Variants in CNTN5 observed in about 807,000 individuals in gnomAD.
CNTN5 encodes contactin-5.
Under a neutral mutation model 129.1 loss-of-function variants are expected in CNTN5, and 77 were observed. The observed-to-expected ratio is 0.60, with a 90% CI of 0.50 to 0.72. CNTN5 has a LOEUF of 0.72. Ranked by LOEUF, CNTN5 falls within the 30% of genes least tolerant of loss-of-function variation. CNTN5 has a pLI of 0.00. For synonymous variants in CNTN5, 509 were observed against 465.6 expected (o/e 1.09, Z -1.20); for missense variants, 1,478 against 1,328.8 (o/e 1.11, Z -1.75).
At chr11:100,042,803 T>G (rs527968745) in intron 9 of CNTN5, among the ~76,000 whole-genome samples, 1 of 152,316 alleles carries the variant, frequency 6.6e-6, no homozygotes, top group South Asian at 2.1e-4. Context: ...TATTAAGAGA[T>G]ATTTTTGAGC....
At chr11:99,981,572 C>T (rs962603724) in intron 8 of CNTN5, among the ~76,000 whole-genome samples, 1 of 152,126 alleles carries the variant, frequency 6.6e-6, no homozygotes, top group Non-Finnish European at 1.5e-5. Flanking sequence ...TAATGCTTTA[C>T]CACGTTTCTT....
At position 99,758,733 on chromosome 11, in the gene CNTN5, A is replaced by G. The variant is rs142997842; in HGVS notation, c.56-60811A>G. 5.2e-3 allele frequency among the ~76,000 whole-genome samples: 795 copies of G among 152,202 alleles called. 6 individuals are homozygous for G. The highest frequency in any genetic ancestry group is 0.018 in the African/African-American group (755 of 41,566). ...GCAGTAGAAAGTATATTGGGGAAAG[A>G]ACAGAAGACAGGATAAGGAATTTTG... On this transcript the variant is annotated intron_variant, in intron 3 of 24. Coordinates refer to ENST00000524871, the MANE Select transcript of CNTN5 (RefSeq NM_014361.4).
At chr11:99,098,563 G>A (rs998386629) in intron 1 of CNTN5, among the ~76,000 whole-genome samples, 14 of 152,114 alleles carry the variant, frequency 9.2e-5, no homozygotes, top group African/African-American at 2.9e-4. Context: ...CTGACTTTTG[G>A]CAAATAAAAA....
chr11:99,424,139 A>T (rs959450404), intron 2 of CNTN5, among the ~76,000 whole-genome samples: 1 of 152,150 alleles, frequency 6.6e-6, no homozygotes, highest in Admixed American at 6.5e-5. Flanking sequence ...TATAACAATA[A>T]CCTAATAATA....
At chr11:99,849,051 A>G (rs17617041) in intron 6 of CNTN5, among the ~76,000 whole-genome samples, 33,548 of 151,984 alleles carry the variant, frequency 0.22, 4,647 homozygotes, top group Non-Finnish European at 0.32. Context: ...TGTTTAATAA[A>G]CGTAGGATGG....
chr11:99,721,776 C>G (rs1199587472), intron 3 of CNTN5, among the ~76,000 whole-genome samples: 1 of 152,048 alleles, frequency 6.6e-6, no homozygotes, highest in African/African-American at 2.4e-5. Flanking sequence ...GGAACTTGAA[C>G]ACATTTACAA....
At chr11:99,492,940 T>C (rs1378987864) in intron 2 of CNTN5, among the ~76,000 whole-genome samples, 2 of 152,132 alleles carry the variant, frequency 1.3e-5, no homozygotes, top group African/African-American at 2.4e-5. Flanking sequence ...GACGTGTTTT[T>C]CTCTGGGAAC....
intron 1 of CNTN5, among the ~76,000 whole-genome samples, chr11:99,281,952 T>C (rs891171679): frequency 6.6e-6 from 1 of 151,990 alleles, no homozygotes; most frequent in African/African-American, 2.4e-5. Flanking sequence ...TTTTCGGAAG[T>C]AGAAGCTTCT....
intron 13 of CNTN5, among the ~76,000 whole-genome samples, chr11:100,146,720 A>C (rs556408518): frequency 6.6e-6 from 1 of 152,282 alleles, no homozygotes; most frequent in South Asian, 2.1e-4. Context: ...CATTTTATAC[A>C]CAAGATAAAT....
At chr11:99,841,082 C>T (rs1947474112) in intron 4 of CNTN5, among the ~76,000 whole-genome samples, 1 of 152,074 alleles carries the variant, frequency 6.6e-6, no homozygotes, top group Non-Finnish European at 1.5e-5. Context: ...CACTGTTTAA[C>T]TTGGCATTTG....
At chr11:99,200,774 G>C (rs922043698) in intron 1 of CNTN5, among the ~76,000 whole-genome samples, 1 of 152,134 alleles carries the variant, frequency 6.6e-6, no homozygotes, top group Admixed American at 6.5e-5. Context: ...ATTCTACACA[G>C]TCCAATCAAG....
intron 3 of CNTN5, among the ~76,000 whole-genome samples, chr11:99,678,177 G>A (rs1953382961): frequency 6.6e-6 from 1 of 151,950 alleles, no homozygotes; most frequent in Non-Finnish European, 1.5e-5. Context: ...ATTTTAAAGT[G>A]GTTCCCTCAA....
chr11:99,296,834 T>C (rs967337389), intron 1 of CNTN5, among the ~76,000 whole-genome samples: 2 of 152,148 alleles, frequency 1.3e-5, no homozygotes, highest in Non-Finnish European at 2.9e-5. Flanking sequence ...AAAAAGCCAA[T>C]ATTTCTGGCT....
chr11:99,454,346 TG>T (rs1362522341), intron 2 of CNTN5, among the ~76,000 whole-genome samples: 4 of 152,184 alleles, frequency 2.6e-5, no homozygotes, highest in Admixed American at 2.6e-4. Flanking sequence ...GTAATCCACA[TG>T]GGTCAAGGGT....
intron 13 of CNTN5, among the ~76,000 whole-genome samples, chr11:100,161,879 A>C (rs901145654): frequency 0.021 from 2,852 of 134,124 alleles, 83 homozygotes; most frequent in African/African-American, 0.073. Context: ...ACACAAAACA[A>C]AAAACAAAAA....
intron 1 of CNTN5, among the ~76,000 whole-genome samples, chr11:99,224,656 C>CTTTTTT (rs1860579878): frequency 2.9e-4 from 11 of 38,010 alleles, no homozygotes; most frequent in African/African-American, 4.9e-4. Context: ...CCCAAGGTTG[C>CTTTTTT]ATTTTTTTTT....
intron 2 of CNTN5, among the ~76,000 whole-genome samples, chr11:99,463,385 C>A (rs1944802011): frequency 7.1e-6 from 1 of 140,712 alleles, no homozygotes; most frequent in Non-Finnish European, 1.5e-5. Flanking sequence ...TTACAGTGAG[C>A]CGAGATCGCG....
intron 3 of CNTN5, among the ~76,000 whole-genome samples, chr11:99,759,990 CAG>C (rs1944526802): frequency 1.3e-5 from 2 of 152,026 alleles, no homozygotes; most frequent in South Asian, 4.2e-4. Context: ...TTCAGACACA[CAG>C]AGTTTGAGAT....
chr11:99,385,035 ATGTT>A (rs1217658207), intron 2 of CNTN5, among the ~76,000 whole-genome samples: 14 of 152,282 alleles, frequency 9.2e-5, no homozygotes, highest in African/African-American at 3.4e-4. Flanking sequence ...CAGATAATAA[ATGTT>A]TGTTTGTTTG....
Sources: allele counts gnomAD v4.1 joint callset (sites outside exome capture counted in the v4.1 genomes callset), GRCh38; gene constraint gnomAD v4.1.1; transcripts MANE v1.5; gene names NCBI Gene and HGNC (gene_info 2026-07-23, HGNC 2026-07-21).